The following CCHCR1 variants were observed in gnomAD, a reference collection of about 807,000 sequenced individuals.
The protein encoded by CCHCR1 is HCR (a-helix coiled-coil rod homologue).
A neutral mutation model predicts 114.6 loss-of-function variants in CCHCR1; 91 were observed. The observed-to-expected ratio is 0.79, with a 90% CI of 0.67 to 0.94. The LOEUF (loss-of-function observed/expected upper bound fraction) is 0.94, where lower values mean the gene tolerates loss of function less well. Ranked by LOEUF, CCHCR1 falls within the 40% of genes least tolerant of loss-of-function variation. The pLI, the probability that CCHCR1 is intolerant of heterozygous loss-of-function variation, is 0.00. For synonymous variants in CCHCR1, 379 were observed against 428.5 expected (o/e 0.88, Z 1.43); for missense variants, 899 against 1,079.9 (o/e 0.83, Z 2.35).
intron 12 of CCHCR1, 65 bp downstream of exon 12, chr6:31,145,383 G>A: frequency 6.2e-7 from 1 of 1,612,280 alleles, no homozygotes; most frequent in Non-Finnish European, 8.5e-7. Flanking sequence ...CAGTCCTCAT[G>A]GTTTTGGGGG....
chr6:31,145,229 C>G lies in CCHCR1; in HGVS notation c.1813G>C (p.Asp605His). 6.2e-7 allele frequency: 1 copy of G among 1,613,556 alleles called. No homozygotes were observed. Among genetic ancestry groups the G allele is most frequent in the Non-Finnish European group, 8.5e-7 (1 of 1,180,018 alleles). ...CGGGCACTCAGCTGCAGTTCTGCAT[C>G]CAGGCGGTTCCGTTCTTCCCGCAAC... ...QQLREERNRL[D>H]AELQLSARLI... is the part of the protein sequence containing the mutation. The change falls in exon 13 of 18, where the codon GAT becomes CAT. Residue 605 changes from aspartate to histidine, a missense_variant. Transcript: ENST00000396268.
intron 4 of CCHCR1, among the ~76,000 whole-genome samples, chr6:31,152,999 T>C (rs1292149990): frequency 2.0e-5 from 3 of 151,882 alleles, no homozygotes; most frequent in Non-Finnish European, 2.9e-5. Context: ...AACGGTAGCT[T>C]GTTGTTTTTT....
Position 31,143,561 on chromosome 6 carries a change from T to G in CCHCR1, c.2168-148A>C. The G allele has an allele frequency of 2.5e-6, 2 of 796,478 alleles. No homozygotes were observed. Among genetic ancestry groups the G allele is most frequent in the Non-Finnish European group, 1.9e-6 (1 of 515,642 alleles). The allele number at this position is 796,478 out of a possible 1,614,324, so 49.3% of individuals were successfully genotyped here. A position where few individuals can be genotyped will look rare whatever the true frequency, so the allele number is the denominator to read the frequency against. On this transcript the variant is annotated intron_variant, in intron 15 of 17. Coordinates refer to ENST00000396268, the MANE Select transcript of CCHCR1 (RefSeq NM_001105564.2). This position sits in a 1 kb window ranked among gnomAD's most constrained non-coding sequence, Gnocchi z 5.3. Reference sequence around the variant, plus strand: ...TGTGGATCTGTCTCTTCTGTACAGTTGGAGGGGTGGGCTGATGCTCTAGGA... The same window carrying G: ...TGTGGATCTGTCTCTTCTGTACAGTGGGAGGGGTGGGCTGATGCTCTAGGA...
intron 1 of CCHCR1, 36 bp from the exon 2 acceptor site, chr6:31,157,125 A>C: frequency 2.0e-6 from 3 of 1,536,726 alleles, no homozygotes; most frequent in Non-Finnish European, 2.7e-6. Flanking sequence ...CTCCAATTCA[A>C]TTTTCAGGCC....
At position 31,143,355 on chromosome 6, in the gene CCHCR1, T is replaced by C; in HGVS notation, c.2226A>G (p.Glu742=). 1.9e-6 allele frequency: 3 copies of C among 1,612,932 alleles called. No homozygotes were observed. The highest frequency in any genetic ancestry group is 2.5e-6 in the Non-Finnish European group (3 of 1,180,032). Residue 742 remains glutamate, a synonymous_variant, in exon 16 of 18, where the codon GAA becomes GAG. Transcript: ENST00000396268. The surrounding 1 kb of genome is among the most constrained non-coding windows in gnomAD (Gnocchi z 5.3). ...GGGCCTCCTCCTGCAGACGCCTGAG[T>C]TCCTGGCTCCGCTCCTTTTCCTGGG... ...RAAQEKERSQ[E]LRRLQEEARK... is the part of the protein sequence containing the mutation.
rs753500075 is a variant in CCHCR1 at position 31,142,943 on chromosome 6, C to T, written c.2491+20G>A. On this transcript the variant is annotated intron_variant, in intron 17 of 17. Transcript: ENST00000396268. Reference sequence around the variant, plus strand: ...AAGTGCGCGCATTTGTCCCTTGTCCCTTTGTGCTTGGCCCAAGACCTTTTA... The same window carrying T: ...AAGTGCGCGCATTTGTCCCTTGTCCTTTTGTGCTTGGCCCAAGACCTTTTA... The T allele has an allele frequency of 6.2e-7, 1 of 1,609,094 alleles. No individual in the cohort carries two copies. Among genetic ancestry groups the T allele is most frequent in the East Asian group, 2.2e-5 (1 of 44,868 alleles).
At chr6:31,156,480 T>A in intron 3 of CCHCR1, 1 of 519,616 alleles carries the variant, frequency 1.9e-6, no homozygotes, top group Non-Finnish European at 3.3e-6. Flanking sequence ...GGTCAATCTA[T>A]CTCCCCTCTT....
intron 8 of CCHCR1, 84 bp downstream of exon 8, chr6:31,149,982 T>C (rs1581935302): frequency 4.6e-6 from 5 of 1,086,756 alleles, no homozygotes; most frequent in Non-Finnish European, 5.3e-6. Context: ...AACCACTCAA[T>C]AAACACTGGT....
Position 31,157,039 on chromosome 6 carries a change from C to G in CCHCR1, c.267G>C (p.Glu89Asp), listed in dbSNP as rs753240282. ...CCCACTGACCTGAAGGTGGAAACAT[C>G]TCCACATTATTTGAAGGCTCTAGAT... Reference protein sequence around the residue: ...RQNLEPSNNVEMFPPSGSTGL... With the variant: ...RQNLEPSNNVDMFPPSGSTGL... Residue 89 changes from glutamate (E) to aspartate (D), a missense_variant, in exon 2 of 18, where the codon GAG (glutamate) becomes GAC (aspartate). Coordinates refer to ENST00000396268, the MANE Select transcript of CCHCR1 (RefSeq NM_001105564.2). The G allele has an allele frequency of 1.8e-5, 29 of 1,612,420 alleles. No individual in the cohort carries two copies. Among genetic ancestry groups the G allele is most frequent in the Non-Finnish European group, 2.4e-5 (28 of 1,179,634 alleles).
chr6:31,142,999 C>T lies in CCHCR1; in HGVS notation c.2455G>A (p.Val819Ile), dbSNP rs1484001360. 8.1e-6 allele frequency: 13 copies of T among 1,613,038 alleles called. No individual in the cohort carries two copies. Among genetic ancestry groups the T allele is most frequent in the African/African-American group, 1.3e-5 (1 of 75,056 alleles). ...TCCCTGGTGGGCACTGCTGCTGCTA[C>T]AGGTGCAGATGCTGAACACTCTGGA... ...RPPECSASAP[V>I]AAAVPTRESI... Residue 819 changes from valine to isoleucine, a missense_variant, in exon 17 of 18, where the codon GTA (valine) becomes ATA (isoleucine). Transcript: ENST00000396268.
At chr6:31,145,613 G>A in intron 11 of CCHCR1, 83 bp downstream of exon 11, 4 of 1,420,864 alleles carry the variant, frequency 2.8e-6, no homozygotes, top group Non-Finnish European at 4.0e-6. Flanking sequence ...ATGGATGTGG[G>A]ATCAGAGAGA....
chr6:31,142,659 T>C lies in CCHCR1; in HGVS notation c.2549A>G (p.Glu850Gly). The C allele has an allele frequency of 6.2e-7, 1 of 1,613,436 alleles. No individual in the cohort carries two copies. Among genetic ancestry groups the C allele is most frequent in the Non-Finnish European group, 8.5e-7 (1 of 1,179,948 alleles). The change falls in exon 18 of 18, where the codon GAG becomes GGG. Residue 850 changes from glutamate (E) to glycine (G), a missense_variant. By Grantham distance (98) the Glu-to-Gly change is moderately conservative. Coordinates refer to ENST00000396268, the MANE Select transcript of CCHCR1 (RefSeq NM_001105564.2). ...LQDLSEAISKEEAVCQGDNLD... is the reference protein window; with the variant it reads ...LQDLSEAISKGEAVCQGDNLD... Reference sequence around the variant, plus strand: ...GTTGTCTCCTTGACAAACAGCTTCCTCTTTGGAAATGGCTTCACTCAGGTC... The same window carrying C: ...GTTGTCTCCTTGACAAACAGCTTCCCCTTTGGAAATGGCTTCACTCAGGTC...
rs1009181077 is a variant in CCHCR1 at position 31,156,959 on chromosome 6, A to C, written c.284-15T>G. The C allele has an allele frequency of 4.3e-6, 7 of 1,612,754 alleles. No individual in the cohort carries two copies. Among genetic ancestry groups the C allele is most frequent in the Non-Finnish European group, 5.9e-6 (7 of 1,179,864 alleles). On this transcript the variant is annotated splice_polypyrimidine_tract_variant and intron_variant, in intron 2 of 17. Coordinates refer to ENST00000396268, the MANE Select transcript of CCHCR1 (RefSeq NM_001105564.2). The stretch of plus-strand genomic sequence containing the variant: ...CCCAGTGGAACCTGAAGAATTACAA[A>C]AACAAAGATGGTCAGTTTCCCAGGC...
chr6:31,150,730 T>G lies in CCHCR1; in HGVS notation c.1096A>C (p.Met366Leu), dbSNP rs2151032701. 1 of 1,612,588 alleles carries G rather than the reference T, an allele frequency of 6.2e-7. No homozygotes were observed. The highest frequency in any genetic ancestry group is 1.7e-4 in the Middle Eastern group (1 of 6,060). Residue 366 changes from methionine (M) to leucine (L), a missense_variant, in exon 6 of 18, where the codon ATG becomes CTG. By Grantham distance (15) the Met-to-Leu change is conservative (BLOSUM62 2). Coordinates refer to ENST00000396268, the MANE Select transcript of CCHCR1 (RefSeq NM_001105564.2). The surrounding 1 kb of genome is among the most constrained non-coding windows in gnomAD (Gnocchi z 5.3). ...ATACATTCCTGCACCCTCACCTGCA[T>G]GGTTTCCAGAAGCTTCTGTCGCTCC... ...ELERQKLLET[M>L]QHLQEDRDSL... is the part of the protein sequence containing the mutation.
In CCHCR1 at chr6:31,154,867, A is replaced by C; in HGVS notation, c.498-68T>G. 1 of 1,413,072 alleles carries C rather than the reference A, an allele frequency of 7.1e-7. No homozygotes were observed. The highest frequency in any genetic ancestry group is 1.4e-5 in the African/African-American group (1 of 70,282). The allele number at this position is 1,413,072 out of a possible 1,614,324, so 87.5% of individuals were successfully genotyped here. ...TGGAAGGATAGTTGAGGGCATAAAC[A>C]TAGCCAGGAGAAGGAAAAGAGGACC... is the stretch of plus-strand genomic sequence containing the variant. On this transcript the variant is annotated intron_variant, in intron 3 of 17. Transcript: ENST00000396268. This position sits in a 1 kb window ranked among gnomAD's most constrained non-coding sequence, Gnocchi z 4.1.
At position 31,150,528 on chromosome 6, in the gene CCHCR1, G is replaced by A. The variant is rs747164405; in HGVS notation, c.1139C>T (p.Ala380Val). The A allele has an allele frequency of 4.6e-5, 74 of 1,612,316 alleles. No individual in the cohort carries two copies. Among genetic ancestry groups the A allele is most frequent in the Middle Eastern group, 1.7e-4 (1 of 6,044 alleles). Residue 380 changes from alanine (A) to valine (V), a missense_variant, in exon 7 of 18, where the codon GCG (alanine) becomes GTG (valine). Ala to Val is a moderately conservative substitution (Grantham distance 64). Coordinates refer to ENST00000396268, the MANE Select transcript of CCHCR1 (RefSeq NM_001105564.2). The surrounding 1 kb of genome is among the most constrained non-coding windows in gnomAD (Gnocchi z 5.3). ...CTGCACCCGCACCTGCAGCAGCTCCGCGGTGGCATGCAGGCTGTCCCGGTC... is the reference window on the plus strand; with the variant it reads ...CTGCACCCGCACCTGCAGCAGCTCCACGGTGGCATGCAGGCTGTCCCGGTC... Reference protein sequence around the residue: ...QEDRDSLHATAELLQVRVQSL... With the variant: ...QEDRDSLHATVELLQVRVQSL...
rs374205301 is a variant in CCHCR1 at position 31,150,570 on chromosome 6, G to A, written c.1102-5C>T. On this transcript the variant is annotated splice_polypyrimidine_tract_variant and splice_region_variant and intron_variant, in intron 6 of 17. Transcript: ENST00000396268. This position sits in a 1 kb window ranked among gnomAD's most constrained non-coding sequence, Gnocchi z 5.3. ...GTCCCGGTCCTCCTGCAAGTGCTGC[G>A]GGCAGAGGAAAGCAGCCCCTCTGTA... 181 of 1,608,542 alleles carry A rather than the reference G, an allele frequency of 1.1e-4. No individual in the cohort carries two copies. The highest frequency in any genetic ancestry group is 3.7e-5 in the Non-Finnish European group (43 of 1,177,892).
Position 31,151,226 on chromosome 6 carries a change from A to C in CCHCR1, c.802-104T>G. The C allele has an allele frequency of 1.6e-6, 2 of 1,240,954 alleles. No individual in the cohort carries two copies. The highest frequency in any genetic ancestry group is 2.2e-6 in the Non-Finnish European group (2 of 892,388). 76.9% of individuals were successfully genotyped at this position (1,240,954 alleles called of 1,614,324 possible). Reference sequence around the variant, plus strand: ...GTGACCTTAGAGAATGACCCAACCAATCAGCCAACTGTGCACAGCAAATGG... The same window carrying C: ...GTGACCTTAGAGAATGACCCAACCACTCAGCCAACTGTGCACAGCAAATGG... On this transcript the variant is annotated intron_variant, in intron 4 of 17. Coordinates refer to ENST00000396268, the MANE Select transcript of CCHCR1 (RefSeq NM_001105564.2). This position sits in a 1 kb window ranked among gnomAD's most constrained non-coding sequence, Gnocchi z 4.1.
In CCHCR1 at chr6:31,144,499, G is replaced by A; in HGVS notation, c.2167+188C>T. 2 of 581,636 alleles carry A rather than the reference G, an allele frequency of 3.4e-6. No individual in the cohort carries two copies. Among genetic ancestry groups the A allele is most frequent in the South Asian group, 2.5e-5 (1 of 39,490 alleles). 36.0% of individuals were successfully genotyped at this position (581,636 alleles called of 1,614,324 possible). On this transcript the variant is annotated intron_variant, in intron 15 of 17. Transcript: ENST00000396268. The surrounding 1 kb of genome is among the most constrained non-coding windows in gnomAD (Gnocchi z 4.6). ...CATAAGCCACCGCGACCGGCCATAT[G>A]CTGTTTCTTAATCTGGTGCTGGCTA...
Sources: allele counts gnomAD v4.1 joint callset (sites outside exome capture counted in the v4.1 genomes callset), GRCh38; gene constraint gnomAD v4.1.1; non-coding constraint Gnocchi (gnomAD v3.1); transcripts MANE v1.5; gene names NCBI Gene and HGNC (gene_info 2026-07-23, HGNC 2026-07-21).